Variants in IMMP2L observed in about 807,000 individuals in gnomAD.
IMMP2L encodes the protein mitochondrial inner membrane protease subunit 2.
IMMP2L carries 18 observed loss-of-function variants against 19.3 expected under a neutral mutation model. The observed-to-expected ratio is 0.93, with a 90% CI of 0.64 to 1.38. The LOEUF is 1.38. IMMP2L is among the 40% of genes most tolerant of loss of function. The probability of loss-of-function intolerance (pLI) is 0.00; values close to 1 mark genes in which losing one functional copy is unlikely to be tolerated. For missense variants in IMMP2L, 233 were observed against 218.2 expected (o/e 1.07, Z -0.43); for synonymous variants, 76 against 73.0 (o/e 1.04, Z -0.21).
intron 3 of IMMP2L, among the ~76,000 whole-genome samples, chr7:111,383,713 T>C (rs1831426530): frequency 6.6e-6 from 1 of 152,138 alleles, no homozygotes; most frequent in African/African-American, 2.4e-5. Flanking sequence ...AATCTCACCT[T>C]GAACCTCCAA....
At chr7:110,736,554 G>A (rs1467743560) in intron 5 of IMMP2L, among the ~76,000 whole-genome samples, 1 of 152,174 alleles carries the variant, frequency 6.6e-6, no homozygotes, top group Non-Finnish European at 1.5e-5. Context: ...ACTGTTCTGA[G>A]CTTTGCGGAC....
intron 3 of IMMP2L, among the ~76,000 whole-genome samples, chr7:111,222,160 T>C (rs1812585232): frequency 6.6e-6 from 1 of 152,080 alleles, no homozygotes; most frequent in African/African-American, 2.4e-5. Flanking sequence ...GATGTGTAGA[T>C]ATATTAGAGG....
chr7:111,020,773 A>G (rs1826199678), intron 3 of IMMP2L, among the ~76,000 whole-genome samples: 1 of 152,204 alleles, frequency 6.6e-6, no homozygotes. Context: ...AAAGAAAAAG[A>G]AAAAGAAAAA....
At chr7:111,509,142 T>C (rs1052328509) in intron 2 of IMMP2L, among the ~76,000 whole-genome samples, 5 of 152,168 alleles carry the variant, frequency 3.3e-5, no homozygotes, top group African/African-American at 9.7e-5. Flanking sequence ...ACCCAAGACA[T>C]GGAGCTCTCC....
At chr7:110,692,182 C>T (rs1383914289) in intron 5 of IMMP2L, among the ~76,000 whole-genome samples, 3 of 152,112 alleles carry the variant, frequency 2.0e-5, no homozygotes. Flanking sequence ...ATATCTTTTG[C>T]AGCAACTTGG....
intron 5 of IMMP2L, among the ~76,000 whole-genome samples, chr7:110,733,225 GT>G (rs1796391360): frequency 6.6e-6 from 1 of 152,134 alleles, no homozygotes; most frequent in South Asian, 2.1e-4. Flanking sequence ...TCAGGGACTG[GT>G]CTCCTTCTAT....
chr7:111,519,073 C>A (rs1422045493), intron 2 of IMMP2L, among the ~76,000 whole-genome samples: 1 of 152,114 alleles, frequency 6.6e-6, no homozygotes, highest in Non-Finnish European at 1.5e-5. Context: ...TAGATAAGGG[C>A]ATGTGACCCA....
At chr7:110,963,362 A>G in intron 4 of IMMP2L, 138 bp downstream of exon 4, 1 of 627,708 alleles carries the variant, frequency 1.6e-6, no homozygotes, top group Non-Finnish European at 2.8e-6. Flanking sequence ...AATGATGCTC[A>G]CTAAAGATGT....
intron 5 of IMMP2L, among the ~76,000 whole-genome samples, chr7:110,687,188 T>TA (rs2130504550): frequency 6.6e-6 from 1 of 152,184 alleles, no homozygotes; most frequent in African/African-American, 2.4e-5. Flanking sequence ...TGTTAAGTAT[T>TA]ATTCTTCATC....
chr7:110,995,935 A>T (rs1160668561), intron 3 of IMMP2L, among the ~76,000 whole-genome samples: 1 of 152,180 alleles, frequency 6.6e-6, no homozygotes, highest in Non-Finnish European at 1.5e-5. Context: ...ACCCTGACAT[A>T]AGAAATAACA....
intron 3 of IMMP2L, among the ~76,000 whole-genome samples, chr7:111,329,125 C>T (rs1255884772): frequency 6.6e-6 from 1 of 151,622 alleles, no homozygotes; most frequent in Non-Finnish European, 1.5e-5. Flanking sequence ...CATAATAAGC[C>T]AAGATACGAA....
chr7:111,414,946 T>G (rs1384169765), intron 3 of IMMP2L, among the ~76,000 whole-genome samples: 5 of 151,272 alleles, frequency 3.3e-5, no homozygotes, highest in African/African-American at 1.2e-4. Flanking sequence ...CCCTTGGGGG[T>G]GGGTAGGGCT....
intron 3 of IMMP2L, among the ~76,000 whole-genome samples, chr7:111,212,493 C>A (rs574037797): frequency 2.0e-5 from 3 of 151,820 alleles, no homozygotes; most frequent in Non-Finnish European, 4.4e-5. Flanking sequence ...CACCTGTGGT[C>A]CCAGATGTTC....
intron 3 of IMMP2L, among the ~76,000 whole-genome samples, chr7:111,413,098 A>G (rs1259615304): frequency 2.0e-5 from 3 of 151,970 alleles, no homozygotes; most frequent in Admixed American, 1.3e-4. Context: ...ACAGAGGACT[A>G]TTGTGAACAA....
intron 5 of IMMP2L, among the ~76,000 whole-genome samples, chr7:110,669,705 C>A (rs139696075): frequency 2.0e-5 from 3 of 152,090 alleles, no homozygotes; most frequent in Non-Finnish European, 4.4e-5. Flanking sequence ...ATTTCGTAGC[C>A]GAGGTAGTGT....
chr7:111,321,719 A>G (rs549991041), intron 3 of IMMP2L, among the ~76,000 whole-genome samples: 6 of 152,122 alleles, frequency 3.9e-5, no homozygotes, highest in South Asian at 2.1e-4. Flanking sequence ...TGTGGTTTCA[A>G]TGTAAGCACT....
chr7:111,503,077 G>A (rs1011995086), intron 2 of IMMP2L, among the ~76,000 whole-genome samples: 2 of 151,884 alleles, frequency 1.3e-5, no homozygotes, highest in African/African-American at 2.4e-5. Flanking sequence ...CTGCTAGCAA[G>A]ACTAATAAAG....
chr7:111,469,815 C>A (rs1841049957), intron 3 of IMMP2L, among the ~76,000 whole-genome samples: 1 of 152,032 alleles, frequency 6.6e-6, no homozygotes, highest in South Asian at 2.1e-4. Flanking sequence ...TAGGCATGGG[C>A]AAGGACTTCA....
rs193117935 is a variant in IMMP2L at position 110,921,873 on chromosome 7, T to C, written c.306-35178A>G. Among the ~76,000 whole-genome samples, 4 of 152,320 alleles carry C rather than the reference T, an allele frequency of 2.6e-5. No homozygotes were observed. The East Asian group carries it at 7.7e-4, about 29-fold the overall frequency. ...ACAGTAGACTACTCCAAGATAACTT[T>C]TCAGAGCACTGCATTTTAATAATTC... On this transcript the variant is annotated intron_variant, in intron 4 of 5. Coordinates refer to ENST00000405709, the MANE Select transcript of IMMP2L (RefSeq NM_032549.4).
Sources: allele counts gnomAD v4.1 joint callset (sites outside exome capture counted in the v4.1 genomes callset), GRCh38; gene constraint gnomAD v4.1.1; transcripts MANE v1.5; gene names NCBI Gene and HGNC (gene_info 2026-07-23, HGNC 2026-07-21).